Variants in NRXN1 observed in about 807,000 individuals in gnomAD.
NRXN1 encodes the protein neurexin 1.
A neutral mutation model predicts 150.9 loss-of-function variants in NRXN1; 39 were observed. The ratio of observed to expected loss-of-function variants is 0.26; its 90% CI spans 0.20 to 0.34. The LOEUF is 0.34. Ranked by LOEUF, NRXN1 falls within the 10% of genes least tolerant of loss-of-function variation. The probability of loss-of-function intolerance (pLI) is 1.00; values close to 1 mark genes in which losing one functional copy is unlikely to be tolerated. For synonymous variants in NRXN1, 924 were observed against 757.0 expected (o/e 1.22, Z -3.62); for missense variants, 1,815 against 1,949.9 (o/e 0.93, Z 1.30).
At chr2:50,684,364 A>C (rs1189044678) in intron 5 of NRXN1, among the ~76,000 whole-genome samples, 1 of 151,944 alleles carries the variant, frequency 6.6e-6, no homozygotes, top group Non-Finnish European at 1.5e-5. Flanking sequence ...ATAGCCGGGC[A>C]TGGTGGTGTA....
At chr2:50,462,845 C>T (rs2088375487) in intron 17 of NRXN1, among the ~76,000 whole-genome samples, 1 of 151,728 alleles carries the variant, frequency 6.6e-6, no homozygotes, top group African/African-American at 2.4e-5. Context: ...AATATAAATA[C>T]ATTTTTTCTA....
At chr2:50,259,530 T>C (rs893531690) in intron 17 of NRXN1, among the ~76,000 whole-genome samples, 3 of 152,012 alleles carry the variant, frequency 2.0e-5, no homozygotes, top group Middle Eastern at 6.8e-3. Flanking sequence ...TCCTGCTAAT[T>C]AATCAAGTAA....
chr2:50,776,677 C>CAT (rs1554069317), intron 5 of NRXN1, among the ~76,000 whole-genome samples: 1 of 150,822 alleles, frequency 6.6e-6, no homozygotes, highest in African/African-American at 2.4e-5. Flanking sequence ...CACACACACA[C>CAT]ATACATACTT....
intron 2 of NRXN1, among the ~76,000 whole-genome samples, chr2:51,001,905 T>C (rs1037147635): frequency 2.0e-5 from 3 of 151,950 alleles, no homozygotes; most frequent in African/African-American, 7.2e-5. Flanking sequence ...GGTCATAAGA[T>C]ATTCAGGTGA....
At chr2:50,151,670 G>C (rs527281961) in intron 18 of NRXN1, among the ~76,000 whole-genome samples, 285 of 151,844 alleles carry the variant, frequency 1.9e-3, no homozygotes, top group African/African-American at 6.5e-3. Flanking sequence ...GCCTGGGACT[G>C]GGTGTGGGAA....
chr2:50,299,926 T>C (rs111852718), intron 17 of NRXN1, among the ~76,000 whole-genome samples: 1,753 of 152,310 alleles, frequency 0.012, 24 homozygotes, highest in African/African-American at 0.04. Flanking sequence ...ATTATGAAGG[T>C]GATTAAAGAG....
At chr2:50,427,252 T>A (rs560659392) in intron 17 of NRXN1, among the ~76,000 whole-genome samples, 1 of 152,044 alleles carries the variant, frequency 6.6e-6, no homozygotes, top group Non-Finnish European at 1.5e-5. Context: ...ATACATAAAG[T>A]TGTGCAAGAA....
chr2:50,853,622 G>A (rs1410781958), intron 5 of NRXN1, among the ~76,000 whole-genome samples: 2 of 152,036 alleles, frequency 1.3e-5, no homozygotes, highest in Non-Finnish European at 2.9e-5. Flanking sequence ...TCATATGTCA[G>A]GACTCTGAGC....
chr2:50,518,680 T>G (rs1380787949), intron 12 of NRXN1, among the ~76,000 whole-genome samples: 1 of 151,886 alleles, frequency 6.6e-6, no homozygotes, highest in African/African-American at 2.4e-5. Context: ...TCATTCCATG[T>G]CTAAATACAC....
chr2:50,107,464 T>A (rs1432011516), intron 18 of NRXN1, among the ~76,000 whole-genome samples: 1 of 149,568 alleles, frequency 6.7e-6, no homozygotes, highest in South Asian at 2.1e-4. Context: ...CACTTCTTAC[T>A]TTTTTTAGGT....
chr2:50,045,824 C>A (rs1003925806), intron 21 of NRXN1, among the ~76,000 whole-genome samples: 2 of 152,066 alleles, frequency 1.3e-5, no homozygotes, highest in African/African-American at 2.4e-5. Context: ...TGTCATGTAT[C>A]GACTAGGTAC....
intron 18 of NRXN1, among the ~76,000 whole-genome samples, chr2:50,209,739 T>C (rs2062872317): frequency 6.6e-6 from 1 of 152,186 alleles, no homozygotes; most frequent in South Asian, 2.1e-4. Context: ...ATATCTGATT[T>C]ATTTTCATTA....
At chr2:50,464,189 G>C (rs1027437503) in intron 17 of NRXN1, among the ~76,000 whole-genome samples, 6 of 151,726 alleles carry the variant, frequency 4.0e-5, no homozygotes, top group African/African-American at 1.5e-4. Flanking sequence ...TTGAATACAT[G>C]TTTATTGCTT....
At chr2:51,015,068 G>A (rs1668456265) in intron 2 of NRXN1, among the ~76,000 whole-genome samples, 1 of 152,014 alleles carries the variant, frequency 6.6e-6, no homozygotes, top group Non-Finnish European at 1.5e-5. Flanking sequence ...AGCAATGTAT[G>A]TTCCTGTCCT....
At chr2:50,752,172 A>G (rs989308999) in intron 5 of NRXN1, among the ~76,000 whole-genome samples, 1 of 152,030 alleles carries the variant, frequency 6.6e-6, no homozygotes, top group Non-Finnish European at 1.5e-5. Flanking sequence ...AAATTCAAAT[A>G]AATTAACAGT....
In NRXN1 at chr2:50,334,193, A is replaced by T. The variant is rs1452875097; in HGVS notation, c.3365-97223T>A. Among the ~76,000 whole-genome samples, 4 of 109,890 alleles carry T rather than the reference A, an allele frequency of 3.6e-5. No homozygotes were observed. In the South Asian group the frequency reaches 8.6e-4, roughly 24 times the overall value. The allele number at this position is 109,890 out of a possible 152,430, so 72.1% of individuals were successfully genotyped here. On this transcript the variant is annotated intron_variant, in intron 17 of 22. Transcript: ENST00000401669. ...TGCCTTTCCTTAAGACCAGGACCAA[A>T]TATATATATATATATATATGTATGT...
At chr2:50,422,761 A>G (rs1469239421) in intron 17 of NRXN1, among the ~76,000 whole-genome samples, 1 of 152,210 alleles carries the variant, frequency 6.6e-6, no homozygotes, top group Non-Finnish European at 1.5e-5. Flanking sequence ...AACCACAAAT[A>G]TAACTGGTAA....
intron 5 of NRXN1, among the ~76,000 whole-genome samples, chr2:50,730,672 C>CT (rs56042523): frequency 0.53 from 63,760 of 120,900 alleles, 18,375 homozygotes; most frequent in East Asian, 0.75. Flanking sequence ...TTCTTGTTTT[C>CT]TTTTTTTTTT....
At chr2:51,016,182 C>A (rs922157453) in intron 2 of NRXN1, among the ~76,000 whole-genome samples, 8 of 152,064 alleles carry the variant, frequency 5.3e-5, no homozygotes, top group African/African-American at 1.9e-4. Context: ...CAATATCATT[C>A]AGGACACAGA....
Sources: allele counts gnomAD v4.1 joint callset (sites outside exome capture counted in the v4.1 genomes callset), GRCh38; gene constraint gnomAD v4.1.1; transcripts MANE v1.5; gene names NCBI Gene and HGNC (gene_info 2026-07-23, HGNC 2026-07-21).